HSD17B1: variants seen among roughly 807,000 people sequenced by gnomAD.
HSD17B1 encodes 17-beta-hydroxysteroid dehydrogenase type 1.
A neutral mutation model predicts 22.7 loss-of-function variants in HSD17B1; 16 were observed. That is an observed-to-expected ratio of 0.71 (90% CI 0.48 to 1.07). The LOEUF (loss-of-function observed/expected upper bound fraction) is 1.07. Ranked by LOEUF, HSD17B1 falls within the 50% of genes least tolerant of loss-of-function variation. The pLI, the probability that HSD17B1 is intolerant of heterozygous loss-of-function variation, is 0.00. For synonymous variants in HSD17B1, 243 were observed against 211.0 expected, an observed-to-expected ratio of 1.15 and a Z score of -1.31; for missense variants, 533 against 459.9, an observed-to-expected ratio of 1.16 and a Z score of -1.45.
intron 2 of HSD17B1, 25 bp downstream of exon 2, chr17:42,553,316 C>G (rs770410382): frequency 6.2e-7 from 1 of 1,603,688 alleles, no homozygotes; most frequent in Non-Finnish European, 8.5e-7. Flanking sequence ...AGCATATGGG[C>G]TCCTAGGAGC....
In HSD17B1 at chr17:42,555,080, G is replaced by C. The variant is rs1387785549; in HGVS notation, c.*142G>C. ...CAGTTTTACCAGCGCAGCTAGGCGC[G>C]ATGGCTGTCGCCTGTAATGCCAGCG... On this transcript the variant is annotated 3_prime_UTR_variant, in exon 6 of 6. Coordinates refer to ENST00000585807, the MANE Select transcript of HSD17B1 (RefSeq NM_000413.4). 1.5e-6 allele frequency: 2 copies of C among 1,370,214 alleles called. No homozygotes were observed. Among genetic ancestry groups the C allele is most frequent in the African/African-American group, 1.5e-5 (1 of 65,310 alleles). 84.9% of individuals were successfully genotyped at this position (1,370,214 alleles called of 1,614,324 possible).
intron 4 of HSD17B1, 66 bp downstream of exon 4, chr17:42,553,953 C>T: frequency 7.3e-7 from 1 of 1,363,438 alleles, no homozygotes; most frequent in African/African-American, 1.4e-5. Context: ...GCACCCTGTC[C>T]TGCGGGAGCC....
rs754332397 is a variant in HSD17B1 at position 42,553,505 on chromosome 17, T to C, written c.332T>C (p.Val111Ala). The change falls in exon 3 of 6, where the codon GTG (valine) becomes GCG (alanine). Residue 111 changes from valine (V) to alanine (A), a missense_variant. By Grantham distance (64) the Val-to-Ala change is moderately conservative. Transcript: ENST00000585807. ...CTGGGGGAGGACGCCGTGGCCTCTG[T>C]GCTGGACGTGAATGTAGTAGGGACT... is the stretch of plus-strand genomic sequence containing the variant. ...EALGEDAVASVLDVNVVGTVR... is the reference protein window; with the variant it reads ...EALGEDAVASALDVNVVGTVR... 6.2e-7 allele frequency: 1 copy of C among 1,613,976 alleles called. No individual in the cohort carries two copies. Among genetic ancestry groups the C allele is most frequent in the East Asian group, 2.2e-5 (1 of 44,880 alleles).
In HSD17B1 at chr17:42,554,916, A is replaced by C; in HGVS notation, c.965A>C (p.Asp322Ala). The stretch of plus-strand genomic sequence containing the variant: ...GCGGTGGGGGACCCTGAGCTCGGCG[A>C]TCCTCCGGCCGCCCCGCAGTAAAGG... ...RGAVGDPELGDPPAAPQ is the reference protein window; with the variant it reads ...RGAVGDPELGAPPAAPQ The change falls in exon 6 of 6, where the codon GAT becomes GCT. Residue 322 changes from aspartate (D) to alanine (A), a missense_variant. Asp to Ala is a moderately radical substitution (Grantham distance 126). Transcript: ENST00000585807. The C allele has an allele frequency of 6.8e-7, 1 of 1,480,820 alleles. No homozygotes were observed. The allele number at this position is 1,480,820 out of a possible 1,614,324, so 91.7% of individuals were successfully genotyped here.
At chr17:42,554,296 G>C in intron 4 of HSD17B1, 109 bp from the exon 5 acceptor site, 3 of 1,402,696 alleles carry the variant, frequency 2.1e-6, no homozygotes, top group Non-Finnish European at 2.8e-6. Flanking sequence ...CAGCGGTGCT[G>C]CTCGCGGTCG....
In HSD17B1 at chr17:42,554,532, A is replaced by G; in HGVS notation, c.667A>G (p.Ser223Gly). 6.2e-7 allele frequency: 1 copy of G among 1,614,046 alleles called. No homozygotes were observed. The highest frequency in any genetic ancestry group is 2.2e-5 in the East Asian group (1 of 44,874). ...CCGCTTCTACCAATACCTCGCCCAC[A>G]GCAAGCAAGTCTTTCGCGAGGCGGC... Reference protein sequence around the residue: ...FHRFYQYLAHSKQVFREAAQN... With the variant: ...FHRFYQYLAHGKQVFREAAQN... The change falls in exon 5 of 6, where the codon AGC (serine) becomes GGC (glycine). Residue 223 changes from serine (S) to glycine (G), a missense_variant. By Grantham distance (56) the Ser-to-Gly change is moderately conservative (BLOSUM62 0). Coordinates refer to ENST00000585807, the MANE Select transcript of HSD17B1 (RefSeq NM_000413.4).
At chr17:42,554,037 A>T in intron 4 of HSD17B1, 150 bp downstream of exon 4, 1 of 735,256 alleles carries the variant, frequency 1.4e-6, no homozygotes. Flanking sequence ...GGCTGGGCGC[A>T]TGGCACGCAT....
chr17:42,554,234 G>C, intron 4 of HSD17B1, 171 bp from the exon 5 acceptor site: 2 of 945,600 alleles, frequency 2.1e-6, no homozygotes, highest in Non-Finnish European at 3.1e-6. Context: ...AGGAACCCGC[G>C]TTTCAAATGT....
Position 42,554,895 on chromosome 17 carries a change from TG to T in HSD17B1, c.949del (p.Asp317ThrfsTer39). The T allele has an allele frequency of 1.3e-6, 2 of 1,520,806 alleles. No homozygotes were observed. Among genetic ancestry groups the T allele is most frequent in the Non-Finnish European group, 1.7e-6 (2 of 1,143,212 alleles). The allele number at this position is 1,520,806 out of a possible 1,614,324, so 94.2% of individuals were successfully genotyped here. On this transcript the variant is annotated frameshift_variant, in exon 6 of 6. Coordinates refer to ENST00000585807, the MANE Select transcript of HSD17B1 (RefSeq NM_000413.4). LOFTEE classifies it low-confidence loss of function (END_TRUNC). ...GAGGACGAGGCCGGGCGCGGTGCGG[TG>T]GGGGACCCTGAGCTCGGCGATCCTC... ...GAEDEAGRGA[V>X]GDPELGDPPA...
In HSD17B1 at chr17:42,553,277, G is replaced by A. The variant is rs774742548; in HGVS notation, c.251G>A (p.Arg84His). ...AAARERVTEG[R>H]VDVLVCNAGL... The stretch of plus-strand genomic sequence containing the variant: ...GCCCGGGAACGCGTGACTGAGGGCC[G>A]CGTGGACGTGCTGGGTGAGCCTCCT... The change falls in exon 2 of 6, where the codon CGC becomes CAC. Residue 84 changes from arginine (R) to histidine (H), a missense_variant. Coordinates refer to ENST00000585807, the MANE Select transcript of HSD17B1 (RefSeq NM_000413.4). The A allele has an allele frequency of 8.0e-5, 129 of 1,608,678 alleles. 2 individuals are homozygous for A. The highest frequency in any genetic ancestry group is 7.6e-5 in the Non-Finnish European group (90 of 1,179,856).
rs754717214 is a variant in HSD17B1 at position 42,554,726 on chromosome 17, C to T, written c.775C>T (p.Arg259Cys). Residue 259 changes from arginine to cysteine, a missense_variant, in exon 6 of 6, where the codon CGC becomes TGC. By Grantham distance (180) the Arg-to-Cys change is radical (BLOSUM62 -3). Transcript: ENST00000585807. ...KPTLRYFTTERFLPLLRMRLD... is the reference protein window; with the variant it reads ...KPTLRYFTTECFLPLLRMRLD... ...GACCCTGCGCTACTTCACCACCGAG[C>T]GCTTCCTGCCCCTGCTGCGGATGCG... is the stretch of plus-strand genomic sequence containing the variant. 3 of 1,603,574 alleles carry T rather than the reference C, an allele frequency of 1.9e-6. No homozygotes were observed. Among genetic ancestry groups the T allele is most frequent in the Non-Finnish European group, 2.5e-6 (3 of 1,179,738 alleles).
In HSD17B1 at chr17:42,554,704, C is replaced by G. The variant is rs751676864; in HGVS notation, c.753C>G (p.Thr251=). Residue 251 remains threonine, a synonymous_variant, in exon 6 of 6, where the codon ACC becomes ACG. Coordinates refer to ENST00000585807, the MANE Select transcript of HSD17B1 (RefSeq NM_000413.4). ...CCGCTTTGCGCGCCCCGAAGCCGACCCTGCGCTACTTCACCACCGAGCGCT... is the reference window on the plus strand; with the variant it reads ...CCGCTTTGCGCGCCCCGAAGCCGACGCTGCGCTACTTCACCACCGAGCGCT... ...FLTALRAPKP[T]LRYFTTERFL... 1 of 1,603,574 alleles carries G rather than the reference C, an allele frequency of 6.2e-7. No homozygotes were observed. Among genetic ancestry groups the G allele is most frequent in the Non-Finnish European group, 8.5e-7 (1 of 1,179,702 alleles).
chr17:42,554,454 G>T lies in HSD17B1; in HGVS notation c.589G>T (p.Val197Leu), dbSNP rs748229436. ...GPVHTAFMEK[V>L]LGSPEEVLDR... ...AGTGCACACCGCCTTCATGGAGAAGGTGTTGGGCAGCCCAGAGGAGGTGCT... is the reference window on the plus strand; with the variant it reads ...AGTGCACACCGCCTTCATGGAGAAGTTGTTGGGCAGCCCAGAGGAGGTGCT... The change falls in exon 5 of 6, where the codon GTG (valine) becomes TTG (leucine). Residue 197 changes from valine to leucine, a missense_variant. Transcript: ENST00000585807. The T allele has an allele frequency of 3.7e-6, 6 of 1,613,306 alleles. No individual in the cohort carries two copies. Among genetic ancestry groups the T allele is most frequent in the Non-Finnish European group, 5.1e-6 (6 of 1,179,670 alleles).
At chr17:42,554,611 G>A (rs368019428) in intron 5 of HSD17B1, 29 bp downstream of exon 5, 4 of 1,608,512 alleles carry the variant, frequency 2.5e-6, no homozygotes, top group African/African-American at 1.3e-5. Context: ...TCCAGGAGTG[G>A]GGGCGGTGCG....
intron 3 of HSD17B1, 47 bp downstream of exon 3, chr17:42,553,665 G>C: frequency 6.3e-7 from 1 of 1,599,732 alleles, no homozygotes; most frequent in Non-Finnish European, 8.5e-7. Context: ...CTTTGTGTGC[G>C]GAGCTGAGCC....
At chr17:42,553,675 C>G (rs1048237972) in intron 3 of HSD17B1, 57 bp downstream of exon 3, 162 of 1,599,330 alleles carry the variant, frequency 1.0e-4, no homozygotes, top group Non-Finnish European at 1.4e-4. Context: ...GGAGCTGAGC[C>G]TTGAAGGCAG....
At position 42,553,532 on chromosome 17, in the gene HSD17B1, T is replaced by A; in HGVS notation, c.359T>A (p.Val120Glu). 6.2e-7 allele frequency: 1 copy of A among 1,613,974 alleles called. No individual in the cohort carries two copies. The highest frequency in any genetic ancestry group is 8.5e-7 in the Non-Finnish European group (1 of 1,179,906). ...SVLDVNVVGT[V>E]RMLQAFLPDM... ...CTGGACGTGAATGTAGTAGGGACTG[T>A]GCGGATGCTGCAGGCCTTCCTGCCA... Residue 120 changes from valine (V) to glutamate (E), a missense_variant, in exon 3 of 6, where the codon GTG becomes GAG. Physicochemically the swap from Val to Glu is moderately radical, Grantham distance 121 (BLOSUM62 -2). Coordinates refer to ENST00000585807, the MANE Select transcript of HSD17B1 (RefSeq NM_000413.4).
At position 42,554,719 on chromosome 17, in the gene HSD17B1, C is replaced by T; in HGVS notation, c.768C>T (p.Thr256=). The change falls in exon 6 of 6, where the codon ACC becomes ACT. Residue 256 remains threonine (T), a synonymous_variant. Transcript: ENST00000585807. ...RAPKPTLRYF[T]TERFLPLLRM... ...CGAAGCCGACCCTGCGCTACTTCAC[C>T]ACCGAGCGCTTCCTGCCCCTGCTGC... 6.2e-7 allele frequency: 1 copy of T among 1,603,624 alleles called. No homozygotes were observed. Among genetic ancestry groups the T allele is most frequent in the Non-Finnish European group, 8.5e-7 (1 of 1,179,740 alleles).
rs610177 is a variant in HSD17B1, at chr17:42,553,706, T to C, written c.445+88T>C. On this transcript the variant is annotated intron_variant, in intron 3 of 5. Coordinates refer to ENST00000585807, the MANE Select transcript of HSD17B1 (RefSeq NM_000413.4). Reference sequence around the variant, plus strand: ...GGCAGGTTCCGCGGGGGGGGTGGAGTGGGGTGCCGTCAGCTTGGAGGGGCA... The same window carrying C: ...GGCAGGTTCCGCGGGGGGGGTGGAGCGGGGTGCCGTCAGCTTGGAGGGGCA... 6.3e-6 allele frequency: 10 copies of C among 1,592,992 alleles called. No individual in the cohort carries two copies. The African/African-American group carries it at 9.5e-5, about 15-fold the overall frequency.
Sources: gnomAD v4.1 joint callset for allele counts on GRCh38, gnomAD v4.1.1 for gene constraint, MANE v1.5 for transcripts, NCBI Gene and HGNC (gene_info 2026-07-23, HGNC 2026-07-21) for gene names.